THADA: variants seen among roughly 807,000 people sequenced by gnomAD.
THADA encodes tRNA (32-2'-O)-methyltransferase regulator THADA.
In THADA, 213 loss-of-function variants were observed where a neutral mutation model predicts 219.8. That is an observed-to-expected ratio of 0.97 (90% CI 0.87 to 1.09). THADA has a LOEUF of 1.09. Ranked by LOEUF, THADA falls within the 50% of genes least tolerant of loss-of-function variation. The pLI, the probability that THADA is intolerant of heterozygous loss-of-function variation, is 0.00. For missense variants in THADA, 2,956 were observed against 2,311.3 expected (o/e 1.28, Z -5.72); for synonymous variants, 1,018 against 828.9 (o/e 1.23, Z -3.92).
chr2:43,541,042 T>C (rs1159426703), intron 21 of THADA, 117 bp downstream of exon 21: 8 of 994,926 alleles, frequency 8.0e-6, no homozygotes, highest in Non-Finnish European at 5.6e-6. Flanking sequence ...CAGTTAACAT[T>C]TGTATGATTT....
intron 26 of THADA, among the ~76,000 whole-genome samples, chr2:43,447,768 G>A (rs1383763114): frequency 6.6e-6 from 1 of 152,086 alleles, no homozygotes; most frequent in African/African-American, 2.4e-5. Context: ...CTGCTGAAAC[G>A]ACCTGTAATT....
chr2:43,518,205 T>C (rs1240173664), intron 22 of THADA, among the ~76,000 whole-genome samples: 3 of 152,332 alleles, frequency 2.0e-5, no homozygotes, highest in African/African-American at 7.2e-5. Context: ...ATTTGTTGAA[T>C]AAATGAATGA....
Position 43,361,691 on chromosome 2 carries a change from G to A in THADA, c.4228-17454C>T, listed in dbSNP as rs375378323. Among the ~76,000 whole-genome samples the A allele has an allele frequency of 7.9e-5, 12 of 152,330 alleles. No individual in the cohort carries two copies. In the South Asian group the frequency reaches 2.5e-3, roughly 32 times the overall value. On this transcript the variant is annotated intron_variant, in intron 29 of 37. Transcript: ENST00000405975. ...TGTCCCAGAAACTGTGCTTTCTGAC[G>A]AATCATCTTACTACAGCTCATCACA... is the stretch of plus-strand genomic sequence containing the variant.
chr2:43,241,519 C>T (rs1260006106), intron 36 of THADA, among the ~76,000 whole-genome samples: 1 of 148,604 alleles, frequency 6.7e-6, no homozygotes, highest in Non-Finnish European at 1.5e-5. Context: ...TCCCTTTGCA[C>T]CCCTGTCTGG....
chr2:43,295,341 C>T (rs1039267070), intron 31 of THADA, among the ~76,000 whole-genome samples: 1 of 152,220 alleles, frequency 6.6e-6, no homozygotes, highest in Admixed American at 6.5e-5. Context: ...TCCCTGCTGG[C>T]CCTTGCCTCA....
chr2:43,515,221 T>A (rs867271071), intron 22 of THADA, among the ~76,000 whole-genome samples: 31 of 13,750 alleles, frequency 2.3e-3, no homozygotes, highest in East Asian at 0.015. Flanking sequence ...TATAATATAT[T>A]ATATATAATA....
chr2:43,238,230 T>C (rs1222004750), intron 36 of THADA, among the ~76,000 whole-genome samples: 1 of 150,346 alleles, frequency 6.7e-6, no homozygotes, highest in Non-Finnish European at 1.5e-5. Flanking sequence ...TGGAAAACTT[T>C]TGTGCTTCAA....
At chr2:43,494,149 TGTG>T (rs1057278714) in intron 25 of THADA, among the ~76,000 whole-genome samples, 1 of 152,164 alleles carries the variant, frequency 6.6e-6, no homozygotes, top group Non-Finnish European at 1.5e-5. Context: ...CTGCCCAAAT[TGTG>T]GTAATGCCCC....
chr2:43,497,526 G>A (rs923458645), intron 25 of THADA, among the ~76,000 whole-genome samples: 5 of 152,130 alleles, frequency 3.3e-5, no homozygotes, highest in African/African-American at 1.2e-4. Context: ...ACACACACCA[G>A]GGCCTGTTGG....
At chr2:43,287,280 A>G (rs1674145058) in intron 34 of THADA, among the ~76,000 whole-genome samples, 1 of 152,140 alleles carries the variant, frequency 6.6e-6, no homozygotes, top group Non-Finnish European at 1.5e-5. Context: ...CTATGACTAG[A>G]CAACAAGTTC....
chr2:43,470,166 C>T (rs1684733096), intron 26 of THADA, among the ~76,000 whole-genome samples: 1 of 150,410 alleles, frequency 6.6e-6, no homozygotes, highest in Admixed American at 6.6e-5. Context: ...TGAGATCGCC[C>T]CACTGCACTT....
intron 31 of THADA, among the ~76,000 whole-genome samples, chr2:43,297,177 G>A (rs1463952725): frequency 1.7e-4 from 16 of 96,324 alleles, no homozygotes; most frequent in African/African-American, 6.7e-4. Context: ...TGTGGGGAGC[G>A]CCTCTGCCCC....
intron 36 of THADA, among the ~76,000 whole-genome samples, chr2:43,239,127 A>C (rs1289006426): frequency 6.6e-6 from 1 of 152,228 alleles, no homozygotes; most frequent in Non-Finnish European, 1.5e-5. Context: ...ATCAGCATTT[A>C]GAATTGGTTA....
intron 22 of THADA, among the ~76,000 whole-genome samples, chr2:43,514,344 G>C (rs1000852585): frequency 1.3e-5 from 2 of 150,130 alleles, no homozygotes; most frequent in Non-Finnish European, 3.0e-5. Context: ...TCAGCTACTT[G>C]GGAGGCTGAG....
At chr2:43,517,142 G>A (rs1163880580) in intron 22 of THADA, among the ~76,000 whole-genome samples, 1 of 152,076 alleles carries the variant, frequency 6.6e-6, no homozygotes, top group African/African-American at 2.4e-5. Flanking sequence ...AAGCCACTCA[G>A]TAGATAACCT....
At chr2:43,508,046 T>G (rs1298340681) in intron 23 of THADA, among the ~76,000 whole-genome samples, 1 of 152,070 alleles carries the variant, frequency 6.6e-6, no homozygotes, top group Admixed American at 6.6e-5. Context: ...AAGTCTTAAC[T>G]CAGTTCTTAC....
Position 43,556,370 on chromosome 2 carries a change from A to C in THADA, c.2649T>G (p.Ala883=). 1.2e-6 allele frequency: 2 copies of C among 1,613,892 alleles called. No individual in the cohort carries two copies. The highest frequency in any genetic ancestry group is 1.7e-6 in the Non-Finnish European group (2 of 1,179,814). ...VACDNGDRPA[A]VVERNTLMVI... ...CCATTAATGTGTTCCTTTCCACCAC[A>C]GCAGCAGGCCTATCTCCATTATCAC... The change falls in exon 17 of 38, where the codon GCT becomes GCG. Residue 883 remains alanine, a synonymous_variant. Transcript: ENST00000405975.
At chr2:43,534,085 A>G (rs930303406) in intron 21 of THADA, among the ~76,000 whole-genome samples, 1 of 152,206 alleles carries the variant, frequency 6.6e-6, no homozygotes, top group Non-Finnish European at 1.5e-5. Flanking sequence ...TGTATTTTTT[A>G]TAAAGATGGA....
intron 36 of THADA, among the ~76,000 whole-genome samples, chr2:43,245,172 C>CTTTTTTTTT (rs200036949): frequency 0.082 from 8,341 of 102,222 alleles, 1,169 homozygotes; most frequent in African/African-American, 0.14. Context: ...CTTTCTTCTT[C>CTTTTTTTTT]TTTTTTTTTT....
Sources: gnomAD v4.1 joint callset for allele counts (sites outside exome capture counted in the v4.1 genomes callset) on GRCh38, gnomAD v4.1.1 for gene constraint, MANE v1.5 for transcripts, NCBI Gene and HGNC (gene_info 2026-07-23, HGNC 2026-07-21) for gene names.